PARPBP: variants seen among roughly 807,000 people sequenced by gnomAD.
PARPBP encodes the protein PCNA-interacting partner.
Under a neutral mutation model 50.0 loss-of-function variants are expected in PARPBP, and 52 were observed. The ratio of observed to expected loss-of-function variants is 1.04; its 90% CI spans 0.83 to 1.31. The LOEUF (loss-of-function observed/expected upper bound fraction) is 1.31, where lower values mean the gene tolerates loss of function less well. Ranked by LOEUF, PARPBP falls within the 50% of genes most tolerant of loss-of-function variation. The probability of loss-of-function intolerance (pLI) is 0.00; values close to 1 mark genes in which losing one functional copy is unlikely to be tolerated. For synonymous variants in PARPBP, 244 were observed against 232.1 expected, an observed-to-expected ratio of 1.05 and a Z score of -0.47; for missense variants, 697 against 672.0, an observed-to-expected ratio of 1.04 and a Z score of -0.41.
chr12:102,177,590 G>A (rs539989490), intron 7 of PARPBP, among the ~76,000 whole-genome samples: 2 of 151,646 alleles, frequency 1.3e-5, no homozygotes, highest in East Asian at 1.9e-4. Flanking sequence ...TACTATCTTA[G>A]TTCAGAACTC....
intron 4 of PARPBP, chr12:102,154,859 C>G (rs528638463): frequency 2.2e-6 from 1 of 454,914 alleles, no homozygotes; most frequent in Non-Finnish European, 4.4e-6. Context: ...AACTGAGAGT[C>G]TAGCACCTTT....
At chr12:102,173,808 C>T (rs575420809) in intron 6 of PARPBP, among the ~76,000 whole-genome samples, 2 of 150,650 alleles carry the variant, frequency 1.3e-5, no homozygotes, top group East Asian at 3.9e-4. Context: ...TTACTATGCA[C>T]AGCTTTCGGC....
chr12:102,196,249 G>T lies in PARPBP; in HGVS notation c.1698G>T (p.Leu566Phe). Residue 566 changes from leucine to phenylalanine, a missense_variant, in exon 11 of 11, where the codon TTG (leucine) becomes TTT (phenylalanine). By Grantham distance (22) the Leu-to-Phe change is conservative. Transcript: ENST00000327680. ...KSNKCTAKDK[L>F]ISGQAKLTQF... ...ATAAATGTACTGCCAAGGACAAGTT[G>T]ATTTCTGGCCAGGCAAAGTTAACTC... is the stretch of plus-strand genomic sequence containing the variant. The T allele has an allele frequency of 6.2e-7, 1 of 1,600,322 alleles. No individual in the cohort carries two copies. The highest frequency in any genetic ancestry group is 1.1e-5 in the South Asian group (1 of 88,042).
chr12:102,152,727 T>C (rs2138976133), intron 3 of PARPBP, among the ~76,000 whole-genome samples: 1 of 151,380 alleles, frequency 6.6e-6, no homozygotes, highest in East Asian at 1.9e-4. Context: ...AGATAAATAC[T>C]TCAGAGTAAT....
Position 102,184,046 on chromosome 12 carries a change from GA to G in PARPBP, c.1263+1439del, listed in dbSNP as rs71438459. Among the ~76,000 whole-genome samples the G allele has an allele frequency of 3.5e-3, 211 of 59,942 alleles. 1 individual carries two copies. Among genetic ancestry groups the G allele is most frequent in the African/African-American group, 8.5e-3 (119 of 13,938 alleles). 39.3% of individuals were successfully genotyped at this position (59,942 alleles called of 152,430 possible). A position where few individuals can be genotyped will look rare whatever the true frequency, so the allele number is the denominator to read the frequency against. ...TGGGTGACAAAATGAGACTCTATCT[GA>G]AAAAAAAAAAAAAAAAAAAGAAAGA... is the stretch of plus-strand genomic sequence containing the variant. On this transcript the variant is annotated intron_variant, in intron 9 of 10. Coordinates refer to ENST00000327680, the MANE Select transcript of PARPBP (RefSeq NM_017915.5).
intron 2 of PARPBP, among the ~76,000 whole-genome samples, chr12:102,134,188 TAAAC>T (rs1255602286): frequency 3.1e-5 from 2 of 64,456 alleles, no homozygotes; most frequent in African/African-American, 1.3e-4. Flanking sequence ...TTTGAAAAGA[TAAAC>T]AAAATCAACA....
chr12:102,168,777 C>T (rs1381428480), intron 6 of PARPBP, among the ~76,000 whole-genome samples: 2 of 152,080 alleles, frequency 1.3e-5, no homozygotes, highest in Non-Finnish European at 2.9e-5. Context: ...CCCATTTGGA[C>T]ATTGCTTCAC....
chr12:102,161,671 A>G lies in PARPBP; in HGVS notation c.496-2767A>G, dbSNP rs1181953407. Reference sequence around the variant, plus strand: ...CATGGTGGCTCATGCCTGTAATCCCAGCACTTTGGGAGGTCAAGGCAGGAG... The same window carrying G: ...CATGGTGGCTCATGCCTGTAATCCCGGCACTTTGGGAGGTCAAGGCAGGAG... On this transcript the variant is annotated intron_variant, in intron 4 of 10. Transcript: ENST00000327680. Among the ~76,000 whole-genome samples the G allele has an allele frequency of 2.0e-5, 3 of 152,310 alleles. No individual in the cohort carries two copies. In the East Asian group the frequency reaches 5.8e-4, roughly 29 times the overall value.
intron 7 of PARPBP, among the ~76,000 whole-genome samples, chr12:102,177,759 T>G (rs1468019611): frequency 6.6e-6 from 1 of 152,210 alleles, no homozygotes; most frequent in Non-Finnish European, 1.5e-5. Flanking sequence ...GCAAGAGATT[T>G]TTCCTCTGTA....
chr12:102,154,715 C>T (rs1436852567), intron 4 of PARPBP: 3 of 379,332 alleles, frequency 7.9e-6, no homozygotes, highest in African/African-American at 6.4e-5. Flanking sequence ...AATATTTTAC[C>T]CCAAAATATG....
At chr12:102,172,777 T>G (rs990299730) in intron 6 of PARPBP, among the ~76,000 whole-genome samples, 1 of 152,244 alleles carries the variant, frequency 6.6e-6, no homozygotes, top group Non-Finnish European at 1.5e-5. Flanking sequence ...TTCTTATAAT[T>G]GGCACTAAGA....
intron 6 of PARPBP, among the ~76,000 whole-genome samples, chr12:102,168,614 G>A (rs1249514602): frequency 6.6e-6 from 1 of 152,030 alleles, no homozygotes; most frequent in African/African-American, 2.4e-5. Context: ...TTAATAGAAG[G>A]TGTACAGAGG....
chr12:102,174,122 G>C (rs1268558046), intron 6 of PARPBP, among the ~76,000 whole-genome samples: 3 of 151,630 alleles, frequency 2.0e-5, no homozygotes, highest in African/African-American at 7.3e-5. Context: ...AGTAAAATAT[G>C]ATTGCTTTCT....
At chr12:102,127,401 G>GA (rs951875863) in intron 2 of PARPBP, among the ~76,000 whole-genome samples, 6,313 of 126,576 alleles carry the variant, frequency 0.05, 205 homozygotes, top group African/African-American at 0.1. Context: ...CTCAAAAAAA[G>GA]AAAAAAAAAA....
At chr12:102,137,222 A>C (rs1022621338) in intron 2 of PARPBP, among the ~76,000 whole-genome samples, 1 of 152,100 alleles carries the variant, frequency 6.6e-6, no homozygotes, top group Non-Finnish European at 1.5e-5. Context: ...CAAAGTGCTA[A>C]AATTACAGGC....
At chr12:102,153,758 G>C (rs1460341931) in intron 3 of PARPBP, 111 bp from the exon 4 acceptor site, 1 of 626,256 alleles carries the variant, frequency 1.6e-6, no homozygotes, top group Non-Finnish European at 2.9e-6. Context: ...GCTAACAACT[G>C]TCAGGTAATA....
chr12:102,133,633 G>A (rs759634185), intron 2 of PARPBP, among the ~76,000 whole-genome samples: 3 of 151,774 alleles, frequency 2.0e-5, no homozygotes, highest in Non-Finnish European at 2.9e-5. Context: ...TTTGGAATCC[G>A]GGTCATGGTT....
intron 2 of PARPBP, among the ~76,000 whole-genome samples, chr12:102,126,009 C>T (rs1313571781): frequency 2.0e-5 from 3 of 152,174 alleles, no homozygotes; most frequent in Non-Finnish European, 4.4e-5. Flanking sequence ...AAAGATTACC[C>T]AGAGAGATAA....
chr12:102,142,853 G>A (rs191703570), intron 2 of PARPBP, among the ~76,000 whole-genome samples: 2 of 152,342 alleles, frequency 1.3e-5, no homozygotes, highest in East Asian at 1.9e-4. Context: ...TCCTCTGGAA[G>A]TTTCGTCTCA....
Sources: allele counts gnomAD v4.1 joint callset (sites outside exome capture counted in the v4.1 genomes callset), GRCh38; gene constraint gnomAD v4.1.1; transcripts MANE v1.5; gene names NCBI Gene and HGNC (gene_info 2026-07-23, HGNC 2026-07-21).